COBLL1: variants seen among roughly 807,000 people sequenced by gnomAD.
COBLL1 encodes cordon-bleu WH2 repeat protein like 1.
A neutral mutation model predicts 94.8 loss-of-function variants in COBLL1; 50 were observed. That is an observed-to-expected ratio of 0.53 (90% CI 0.42 to 0.67). The LOEUF (loss-of-function observed/expected upper bound fraction) is 0.67, where lower values mean the gene tolerates loss of function less well. Ranked by LOEUF, COBLL1 falls within the 30% of genes least tolerant of loss-of-function variation. The pLI is 0.00. For missense variants in COBLL1, 1,362 were observed against 1,348.7 expected (o/e 1.01, Z -0.15); for synonymous variants, 448 against 473.8 (o/e 0.95, Z 0.71).
In COBLL1 at chr2:164,685,855, G is replaced by T. The variant is rs957646019; in HGVS notation, c.*91C>A. 7 of 619,080 alleles carry T rather than the reference G, an allele frequency of 1.1e-5. No individual in the cohort carries two copies. The highest frequency in any genetic ancestry group is 2.0e-5 in the Non-Finnish European group (7 of 350,478). The allele number at this position is 619,080 out of a possible 1,614,324, so 38.3% of individuals were successfully genotyped here. On this transcript the variant is annotated 3_prime_UTR_variant, in exon 14 of 14. Transcript: ENST00000652658. The stretch of plus-strand genomic sequence containing the variant: ...ATATTTTAATAGATAATATATTAGT[G>T]TACATCTGAATATACATTTGCCAAA...
Position 164,685,969 on chromosome 2 carries a change from G to A in COBLL1, c.3364C>T (p.Pro1122Ser), listed in dbSNP as rs1440927008. 1.2e-6 allele frequency: 2 copies of A among 1,608,982 alleles called. No homozygotes were observed. Among genetic ancestry groups the A allele is most frequent in the Non-Finnish European group, 1.7e-6 (2 of 1,176,282 alleles). The change falls in exon 14 of 14, where the codon CCT becomes TCT. Residue 1122 changes from proline to serine, a missense_variant. By Grantham distance (74) the Pro-to-Ser change is moderately conservative. Transcript: ENST00000652658. Reference sequence around the variant, plus strand: ...ATTTAATGGCCGTCCTGGGCATCAGGGGACATGGAATGGCTGAGTCTTGAC... The same window carrying A: ...ATTTAATGGCCGTCCTGGGCATCAGAGGACATGGAATGGCTGAGTCTTGAC... ...GRSRLSHSMSPDAQDGH is the reference protein window; with the variant it reads ...GRSRLSHSMSSDAQDGH
At chr2:164,676,864 C>T (rs916159274), downstream of COBLL1, among the ~76,000 whole-genome samples, 3 of 152,174 alleles carry the variant, frequency 2.0e-5, no homozygotes, top group African/African-American at 7.2e-5. Context: ...TCTACACTCT[C>T]TAAACCTGCT....
At chr2:164,744,415 T>G (rs1686754466) in intron 2 of COBLL1, among the ~76,000 whole-genome samples, 1 of 152,176 alleles carries the variant, frequency 6.6e-6, no homozygotes, top group African/African-American at 2.4e-5. Flanking sequence ...ATTTCTTCCT[T>G]CTTTGAATTG....
In COBLL1 at chr2:164,685,464, C is replaced by A. The variant is rs907544208; in HGVS notation, c.*482G>T. On this transcript the variant is annotated 3_prime_UTR_variant, in exon 14 of 14. Transcript: ENST00000652658. ...AACTGAATATACTTATTTGGTATCA[C>A]TAGTTTTCTAAATCATTCTTTCAGC... is the stretch of plus-strand genomic sequence containing the variant. The A allele has an allele frequency of 1.3e-5, 2 of 152,256 alleles. No individual in the cohort carries two copies. The highest frequency in any genetic ancestry group is 6.6e-5 in the Admixed American group (1 of 15,260). The allele number at this position is 152,256 out of a possible 1,614,324, so 9.4% of individuals were successfully genotyped here. A position where few individuals can be genotyped will look rare whatever the true frequency, so the allele number is the denominator to read the frequency against.
intron 2 of COBLL1, among the ~76,000 whole-genome samples, chr2:164,808,463 T>C (rs2105334973): frequency 6.6e-6 from 1 of 152,300 alleles, no homozygotes; most frequent in South Asian, 2.1e-4. Flanking sequence ...TTTATAGCAG[T>C]CTATCTTCCA....
At chr2:164,805,333 C>CTATATATATATATA (rs1406604214) in intron 2 of COBLL1, among the ~76,000 whole-genome samples, 10 of 20,544 alleles carry the variant, frequency 4.9e-4, no homozygotes, top group African/African-American at 5.7e-4. Flanking sequence ...CTCTCTCTCT[C>CTATATATATATATA]TCTCTATATA....
intron 2 of COBLL1, among the ~76,000 whole-genome samples, chr2:164,750,548 C>T (rs1352594262): frequency 1.3e-5 from 2 of 152,216 alleles, no homozygotes; most frequent in Non-Finnish European, 2.9e-5. Flanking sequence ...AGCCTTTTCA[C>T]TGGTCTCTCC....
chr2:164,684,695 T>G lies in COBLL1; in HGVS notation c.*1251A>C, dbSNP rs926970078. On this transcript the variant is annotated 3_prime_UTR_variant, in exon 14 of 14. Coordinates refer to ENST00000652658, the MANE Select transcript of COBLL1 (RefSeq NM_001365672.2). Reference sequence around the variant, plus strand: ...TTGTTTGTTCACTGGCTAATAGAAATGTATGCATCAGGTAAGGGAAATAAA... The same window carrying G: ...TTGTTTGTTCACTGGCTAATAGAAAGGTATGCATCAGGTAAGGGAAATAAA... 5 of 152,112 alleles carry G rather than the reference T, an allele frequency of 3.3e-5. No homozygotes were observed. The highest frequency in any genetic ancestry group is 1.2e-4 in the African/African-American group (5 of 41,434). The allele number at this position is 152,112 out of a possible 1,614,324, so 9.4% of individuals were successfully genotyped here.
chr2:164,742,405 T>G (rs1405695776), intron 3 of COBLL1, among the ~76,000 whole-genome samples: 2 of 152,064 alleles, frequency 1.3e-5, no homozygotes, highest in Non-Finnish European at 2.9e-5. Context: ...GAATTGCCTT[T>G]ATTACCCCCA....
chr2:164,758,901 A>G (rs1341984623), intron 2 of COBLL1, among the ~76,000 whole-genome samples: 1 of 152,150 alleles, frequency 6.6e-6, no homozygotes, highest in Non-Finnish European at 1.5e-5. Flanking sequence ...AGCAATAAAT[A>G]TAGAAAAAAA....
intron 3 of COBLL1, among the ~76,000 whole-genome samples, chr2:164,738,945 T>C (rs1010915172): frequency 9.9e-5 from 15 of 152,246 alleles, no homozygotes; most frequent in Non-Finnish European, 1.6e-4. Flanking sequence ...TACATACACA[T>C]AGACATACAC....
At chr2:164,676,752 C>A (rs1691345344), downstream of COBLL1, among the ~76,000 whole-genome samples, 1 of 151,714 alleles carries the variant, frequency 6.6e-6, no homozygotes, top group African/African-American at 2.4e-5. Flanking sequence ...TGGATTTTGG[C>A]AAAGGATCAT....
chr2:164,774,592 C>G (rs946802053), intron 2 of COBLL1, among the ~76,000 whole-genome samples: 2 of 152,108 alleles, frequency 1.3e-5, no homozygotes, highest in African/African-American at 4.8e-5. Context: ...TTTCTTCTTC[C>G]ATGTGTGCAA....
At chr2:164,752,029 A>C (rs566569878) in intron 2 of COBLL1, among the ~76,000 whole-genome samples, 2 of 152,276 alleles carry the variant, frequency 1.3e-5, no homozygotes, top group Non-Finnish European at 2.9e-5. Flanking sequence ...ACTTGGTATA[A>C]TGTACCAAGC....
chr2:164,802,544 T>C (rs1217034143), intron 2 of COBLL1, among the ~76,000 whole-genome samples: 2 of 84,332 alleles, frequency 2.4e-5, no homozygotes, highest in South Asian at 2.8e-4. Flanking sequence ...CAAGAGAAGA[T>C]TGTGGCACAG....
chr2:164,813,017 C>T (rs2105342660), intron 2 of COBLL1, among the ~76,000 whole-genome samples: 1 of 146,828 alleles, frequency 6.8e-6, no homozygotes, highest in South Asian at 2.1e-4. Flanking sequence ...CATATAAGAC[C>T]AAAGATTAAA....
chr2:164,757,108 C>T (rs1413156681), intron 2 of COBLL1, among the ~76,000 whole-genome samples: 1 of 152,114 alleles, frequency 6.6e-6, no homozygotes, highest in Non-Finnish European at 1.5e-5. Flanking sequence ...TTTTAAAAAT[C>T]TCCCCAAGAG....
chr2:164,826,040 C>T (rs1685413561), intron 2 of COBLL1, among the ~76,000 whole-genome samples: 1 of 152,086 alleles, frequency 6.6e-6, no homozygotes, highest in Non-Finnish European at 1.5e-5. Context: ...AGTAATGATG[C>T]TCGTGTATGA....
intron 7 of COBLL1, among the ~76,000 whole-genome samples, chr2:164,721,331 T>A (rs948905800): frequency 2.0e-5 from 3 of 152,204 alleles, no homozygotes; most frequent in African/African-American, 7.2e-5. Flanking sequence ...TCATCTTCAA[T>A]CATATATACC....
Sources: gnomAD v4.1 joint callset for allele counts (sites outside exome capture counted in the v4.1 genomes callset) on GRCh38, gnomAD v4.1.1 for gene constraint, MANE v1.5 for transcripts, NCBI Gene and HGNC (gene_info 2026-07-23, HGNC 2026-07-21) for gene names.